Variants in PCA3 observed in about 807,000 individuals in gnomAD.
PCA3 encodes the protein Differential Display code 3.
rs370337707 is a variant in PCA3 at position 76,780,751 on chromosome 9, T to C, written n.853-27832T>C. On this transcript the variant is annotated intron_variant and non_coding_transcript_variant, in intron 2 of 5. Coordinates refer to ENST00000644657, the Ensembl canonical transcript of PCA3. ...CAGCAAGAGGGTTTTGTTTTTGTTT[T>C]TGTTTTTGTTTTCAGATGTGGTAGG... Among the ~76,000 whole-genome samples, 5 of 152,200 alleles carry C rather than the reference T, an allele frequency of 3.3e-5. No individual in the cohort carries two copies. The East Asian group carries it at 5.8e-4, about 18-fold the overall frequency.
chr9:76,772,777 T>C (rs1405753656), intron 2 of PCA3, among the ~76,000 whole-genome samples: 1 of 152,144 alleles, frequency 6.6e-6, no homozygotes, highest in East Asian at 1.9e-4. Flanking sequence ...TTGCCCAGGC[T>C]GGTCTCAAAC....
At chr9:76,778,202 G>A (rs1195215584) in intron 2 of PCA3, among the ~76,000 whole-genome samples, 1 of 152,202 alleles carries the variant, frequency 6.6e-6, no homozygotes, top group African/African-American at 2.4e-5. Flanking sequence ...TCAAGGCTGA[G>A]GAAGACTGCT....
chr9:76,775,104 C>G (rs1936283), intron 2 of PCA3, among the ~76,000 whole-genome samples: 1 of 152,006 alleles, frequency 6.6e-6, no homozygotes, highest in East Asian at 1.9e-4. Context: ...TAAGCTGAAC[C>G]GAATAGGACC....
chr9:76,775,304 CT>C (rs112338922), intron 2 of PCA3, among the ~76,000 whole-genome samples: 15 of 149,514 alleles, frequency 1.0e-4, no homozygotes, highest in Admixed American at 3.3e-4. Context: ...TGTACTTTGT[CT>C]TTTTTTTTTG....
chr9:76,778,027 A>T lies in PCA3; in HGVS notation n.853-30556A>T, dbSNP rs138643421. On this transcript the variant is annotated intron_variant and non_coding_transcript_variant, in intron 2 of 5. Coordinates refer to ENST00000644657, the Ensembl canonical transcript of PCA3. ...CAGTAGGTGAGGTTAGAGGGGACCA[A>T]ATCATGTATTTTCCATCCAGAGGTT... Among the ~76,000 whole-genome samples the T allele has an allele frequency of 7.2e-5, 11 of 152,322 alleles. No individual in the cohort carries two copies. In the East Asian group the frequency reaches 1.9e-3, roughly 27 times the overall value.
intron 2 of PCA3, among the ~76,000 whole-genome samples, chr9:76,778,228 A>T (rs137986573): frequency 1.2e-3 from 177 of 152,310 alleles, no homozygotes; most frequent in Middle Eastern, 6.8e-3. Context: ...CCATTGTAAG[A>T]GCCAGGCGTT....
intron 2 of PCA3, among the ~76,000 whole-genome samples, chr9:76,766,359 G>A (rs1429430864): frequency 6.6e-6 from 1 of 152,084 alleles, no homozygotes; most frequent in Non-Finnish European, 1.5e-5. Flanking sequence ...GTGGCTGTGT[G>A]CCTTGTGGGA....
intron 2 of PCA3, among the ~76,000 whole-genome samples, chr9:76,782,172 C>A (rs2054485723): frequency 1.3e-5 from 2 of 151,962 alleles, no homozygotes; most frequent in South Asian, 4.1e-4. Context: ...CAAGATGGTG[C>A]CACTGCACTC....
In PCA3 at chr9:76,766,114, C is replaced by T. The variant is rs554110365; in HGVS notation, n.852+29499C>T. On this transcript the variant is annotated intron_variant and non_coding_transcript_variant, in intron 2 of 5. Transcript: ENST00000644657. ...AGGAGAATCGCTTGAACCCTGGAGG[C>T]GGAGGTTGCAGTGAGCCAAGATTGC... is the stretch of plus-strand genomic sequence containing the variant. Among the ~76,000 whole-genome samples, 5 of 147,628 alleles carry T rather than the reference C, an allele frequency of 3.4e-5. No individual in the cohort carries two copies. In the South Asian group the frequency reaches 6.7e-4, roughly 20 times the overall value.
At chr9:76,771,323 CA>C (rs1257793161) in intron 2 of PCA3, among the ~76,000 whole-genome samples, 3 of 152,074 alleles carry the variant, frequency 2.0e-5, no homozygotes, top group African/African-American at 7.2e-5. Context: ...GATACAATAA[CA>C]AAATGAAAAC....
intron 2 of PCA3, among the ~76,000 whole-genome samples, chr9:76,769,438 G>A (rs1314731127): frequency 6.6e-6 from 1 of 151,800 alleles, no homozygotes; most frequent in Non-Finnish European, 1.5e-5. Context: ...AGTGAAAAAT[G>A]TTGTTAAGAG....
intron 2 of PCA3, among the ~76,000 whole-genome samples, chr9:76,767,877 C>T (rs1455838820): frequency 5.9e-5 from 9 of 152,194 alleles, no homozygotes; most frequent in South Asian, 4.1e-4. Flanking sequence ...TATGGCTATT[C>T]TCATCTTCCC....
At position 76,772,559 on chromosome 9, in the gene PCA3, A is replaced by G. The variant is rs545665245; in HGVS notation, n.852+35944A>G. 2.6e-5 allele frequency among the ~76,000 whole-genome samples: 4 copies of G among 152,172 alleles called. No homozygotes were observed. In the South Asian group the frequency reaches 8.3e-4, roughly 32 times the overall value. On this transcript the variant is annotated intron_variant and non_coding_transcript_variant, in intron 2 of 5. Coordinates refer to ENST00000644657, the Ensembl canonical transcript of PCA3. ...GTTAACTGCAACTTGTGAACATGGT[A>G]AATTATTTTCTTTCTTTTTTTTAGA...
chr9:76,772,734 T>C (rs1028306956), intron 2 of PCA3, among the ~76,000 whole-genome samples: 2 of 152,148 alleles, frequency 1.3e-5, no homozygotes, highest in East Asian at 3.9e-4. Flanking sequence ...CAGCTAATTG[T>C]TTAATTTTTT....
intron 2 of PCA3, chr9:76,785,643 G>A (rs1433619926): frequency 6.6e-6 from 1 of 152,084 alleles, no homozygotes; most frequent in Non-Finnish European, 1.5e-5. Context: ...TTAATTGAAA[G>A]AAATAGGGCA....
intron 2 of PCA3, chr9:76,779,754 T>A (rs559332725): frequency 1.3e-5 from 2 of 152,388 alleles, no homozygotes; most frequent in East Asian, 3.9e-4. Flanking sequence ...GCATGATGGA[T>A]AATGAATGTT....
chr9:76,781,326 A>G (rs1031801117), intron 2 of PCA3, among the ~76,000 whole-genome samples: 1 of 152,060 alleles, frequency 6.6e-6, no homozygotes, highest in Non-Finnish European at 1.5e-5. Flanking sequence ...ATCTGATCCC[A>G]CCACCTCTCC....
intron 2 of PCA3, chr9:76,764,681 G>A (rs1263810903): frequency 6.6e-6 from 1 of 152,274 alleles, no homozygotes; most frequent in Non-Finnish European, 1.5e-5. Flanking sequence ...AAATTACTCT[G>A]GTTGCTGTGT....
intron 2 of PCA3, among the ~76,000 whole-genome samples, chr9:76,776,284 C>G (rs568641169): frequency 6.6e-6 from 1 of 152,186 alleles, no homozygotes; most frequent in Middle Eastern, 3.4e-3. Flanking sequence ...TCCTTACCAC[C>G]CTCCCGCCTT....
Sources: allele counts gnomAD v4.1 joint callset (sites outside exome capture counted in the v4.1 genomes callset), GRCh38; gene constraint gnomAD v4.1.1; transcripts MANE v1.5; gene names NCBI Gene and HGNC (gene_info 2026-07-23, HGNC 2026-07-21).